PTCD3: variants seen among roughly 807,000 people sequenced by gnomAD.
PTCD3 encodes pentatricopeptide repeat domain 3, also known as small ribosomal subunit protein mS39.
PTCD3 carries 89 observed loss-of-function variants against 101.9 expected under a neutral mutation model. The ratio of observed to expected loss-of-function variants is 0.87; its 90% confidence interval spans 0.74 to 1.04. The LOEUF (loss-of-function observed/expected upper bound fraction) is 1.04, where lower values mean the gene tolerates loss of function less well. Among genes scored for constraint, PTCD3 ranks in the 50% least tolerant of loss-of-function variants. The pLI, the probability that PTCD3 is intolerant of heterozygous loss-of-function variation, is 0.00. For synonymous variants in PTCD3, 296 were observed against 278.5 expected, an observed-to-expected ratio of 1.06 and a Z score of -0.63; for missense variants, 870 against 828.2, an observed-to-expected ratio of 1.05 and a Z score of -0.62.
Position 86,127,150 on chromosome 2 carries a change from T to A in PTCD3, c.952-11T>A. On this transcript the variant is annotated splice_polypyrimidine_tract_variant and intron_variant, in intron 12 of 23. Coordinates refer to ENST00000254630, the MANE Select transcript of PTCD3 (RefSeq NM_017952.6). ...GGCATGAAAGATACTTCTTGTTTTT[T>A]ATTCACCTAGGAGCTGCTAAGACAC... 6.3e-7 allele frequency: 1 copy of A among 1,597,960 alleles called. No homozygotes were observed. The highest frequency in any genetic ancestry group is 1.1e-5 in the South Asian group (1 of 88,714).
chr2:86,114,233 A>G (rs1237635896), intron 4 of PTCD3, among the ~76,000 whole-genome samples: 2 of 152,182 alleles, frequency 1.3e-5, no homozygotes. Context: ...AGACTGAGGT[A>G]GCACTGAGAA....
intron 4 of PTCD3, among the ~76,000 whole-genome samples, chr2:86,116,248 C>T (rs1674175327): frequency 6.6e-6 from 1 of 152,172 alleles, no homozygotes; most frequent in Admixed American, 6.6e-5. Context: ...GCTAGAAAGA[C>T]TTGTGGGCTG....
chr2:86,134,813 G>A (rs1197201777), intron 20 of PTCD3, 26 bp from the exon 21 acceptor site: 1 of 1,613,050 alleles, frequency 6.2e-7, no homozygotes, highest in Non-Finnish European at 8.5e-7. Flanking sequence ...CAGTTAGGCA[G>A]TTCTGCTGAC....
At position 86,118,974 on chromosome 2, in the gene PTCD3, C is replaced by G; in HGVS notation, c.468C>G (p.Ala156=). Reference sequence around the variant, plus strand: ...AGATCAAAGACATAAGTGAAGCCGCCCTGAAGGAACGAATTGAGCTCAGAA... The same window carrying G: ...AGATCAAAGACATAAGTGAAGCCGCGCTGAAGGAACGAATTGAGCTCAGAA... ...EPQIKDISEA[A]LKERIELRKV... is the part of the protein sequence containing the mutation. The change falls in exon 7 of 24, where the codon GCC becomes GCG. Residue 156 remains alanine (A), a synonymous_variant. Coordinates refer to ENST00000254630, the MANE Select transcript of PTCD3 (RefSeq NM_017952.6). 7 of 1,613,920 alleles carry G rather than the reference C, an allele frequency of 4.3e-6. No individual in the cohort carries two copies. The highest frequency in any genetic ancestry group is 5.9e-6 in the Non-Finnish European group (7 of 1,179,938).
rs78986711 is a variant in PTCD3, at chr2:86,130,837, A to T, written c.1237+100A>T. ...CTTGTGATCCCTATAGCTTAGAAGT[A>T]TTTTTTTTTTTTTTTAAATAAATTT... On this transcript the variant is annotated intron_variant, in intron 15 of 23. Transcript: ENST00000254630. The T allele has an allele frequency of 3.3e-4, 435 of 1,334,312 alleles. 5 individuals are homozygous for T. In the African/African-American group the frequency reaches 5.7e-3, roughly 18 times the overall value. 82.7% of individuals were successfully genotyped at this position (1,334,312 alleles called of 1,614,324 possible).
At chr2:86,124,886 A>G (rs1365912074) in intron 9 of PTCD3, 109 bp from the exon 10 acceptor site, 23 of 1,408,670 alleles carry the variant, frequency 1.6e-5, no homozygotes, top group Non-Finnish European at 2.2e-5. Flanking sequence ...GATAATGTAT[A>G]GAAAGTACTT....
intron 3 of PTCD3, 136 bp from the exon 4 acceptor site, chr2:86,110,977 G>A (rs564873769): frequency 1.2e-6 from 1 of 833,754 alleles, no homozygotes; most frequent in East Asian, 2.5e-5. Flanking sequence ...ATTTATTCTA[G>A]TGACCTTGTG....
chr2:86,115,195 A>C (rs1244145132), intron 4 of PTCD3, among the ~76,000 whole-genome samples: 2 of 152,236 alleles, frequency 1.3e-5, no homozygotes, highest in Non-Finnish European at 2.9e-5. Context: ...CCTTGGACGC[A>C]GACCTTCCTA....
intron 7 of PTCD3, among the ~76,000 whole-genome samples, chr2:86,120,372 C>T (rs1025680048): frequency 2.0e-5 from 3 of 152,154 alleles, no homozygotes; most frequent in Non-Finnish European, 2.9e-5. Context: ...GTGCAAAACA[C>T]TGTGCTAGCC....
chr2:86,136,977 T>C lies in PTCD3; in HGVS notation c.1821-5T>C, dbSNP rs1674596268. ...GAAAGTTCACACTTTGCCTTTCTTT[T>C]ACAGAAGTGAGTTGCTGAATGAGCT... is the stretch of plus-strand genomic sequence containing the variant. On this transcript the variant is annotated splice_polypyrimidine_tract_variant and splice_region_variant and intron_variant, in intron 22 of 23. Coordinates refer to ENST00000254630, the MANE Select transcript of PTCD3 (RefSeq NM_017952.6). 6.2e-7 allele frequency: 1 copy of C among 1,612,970 alleles called. No individual in the cohort carries two copies. The highest frequency in any genetic ancestry group is 8.5e-7 in the Non-Finnish European group (1 of 1,179,868).
chr2:86,112,681 CAAAAAAAAAAAA>C (rs397953846), intron 4 of PTCD3, among the ~76,000 whole-genome samples: 2 of 81,310 alleles, frequency 2.5e-5, no homozygotes, highest in South Asian at 4.1e-4. Context: ...GACTCTGTCT[CAAAAAAAAAAAA>C]AAAAAAAAAA....
In PTCD3 at chr2:86,106,297, G is replaced by A. The variant is rs200426943; in HGVS notation, c.50G>A (p.Gly17Asp). 14 of 1,612,672 alleles carry A rather than the reference G, an allele frequency of 8.7e-6. No individual in the cohort carries two copies. The highest frequency in any genetic ancestry group is 1.1e-5 in the Non-Finnish European group (13 of 1,179,894). ...TGGCTGGGCCTCCGCAGCAGGCTTG[G>A]CCAGCCGCTGACGGGTCGGCGGGCG... ...VRWLGLRSRL[G>D]QPLTGRRAGL... The change falls in exon 1 of 24, where the codon GGC becomes GAC. Residue 17 changes from glycine to aspartate, a missense_variant. Transcript: ENST00000254630.
At position 86,118,984 on chromosome 2, in the gene PTCD3, C is replaced by T. The variant is rs1004484292; in HGVS notation, c.478C>T (p.Arg160Ter). The change falls in exon 7 of 24, where the codon CGA becomes TGA. Residue 160 changes from arginine to a stop codon, truncating the protein, a stop_gained. Transcript: ENST00000254630. LOFTEE classifies it high-confidence loss of function. ...CATAAGTGAAGCCGCCCTGAAGGAACGAATTGAGCTCAGAAAAGTCAAAGC... is the reference window on the plus strand; with the variant it reads ...CATAAGTGAAGCCGCCCTGAAGGAATGAATTGAGCTCAGAAAAGTCAAAGC... ...KDISEAALKERIELRKVKASV... is the reference protein window; with the variant it reads ...KDISEAALKE The T allele has an allele frequency of 6.8e-6, 11 of 1,613,886 alleles. No individual in the cohort carries two copies. Among genetic ancestry groups the T allele is most frequent in the South Asian group, 2.2e-5 (2 of 91,076 alleles).
In PTCD3 at chr2:86,140,244, AAAC is replaced by A. The variant is rs1238430806; in HGVS notation, c.*2686_*2688del. On this transcript the variant is annotated 3_prime_UTR_variant, in exon 24 of 24. Transcript: ENST00000254630. ...CCTCAAAGCAAAAAAAAAAAAAAAA[AAAC>A]CAGTTAGCTGCTATATAAACACTAT... is the stretch of plus-strand genomic sequence containing the variant. 6 of 151,830 alleles carry A rather than the reference AAAC, an allele frequency of 4.0e-5. No homozygotes were observed. The highest frequency in any genetic ancestry group is 1.2e-4 in the African/African-American group (5 of 41,150). The allele number at this position is 151,830 out of a possible 1,614,324, so 9.4% of individuals were successfully genotyped here. A position where few individuals can be genotyped will look rare whatever the true frequency, so the allele number is the denominator to read the frequency against.
intron 14 of PTCD3, 84 bp downstream of exon 14, chr2:86,128,075 C>A: frequency 3.6e-6 from 4 of 1,099,342 alleles, no homozygotes; most frequent in Non-Finnish European, 5.6e-6. Context: ...TTGTAGTTAT[C>A]TTCTCTGCAT....
chr2:86,110,419 A>G (rs1044249979), intron 3 of PTCD3, among the ~76,000 whole-genome samples: 4 of 152,246 alleles, frequency 2.6e-5, no homozygotes, highest in Admixed American at 2.0e-4. Context: ...TACTCTTGGT[A>G]TAATTCCCTT....
In PTCD3 at chr2:86,132,627, T is replaced by G. The variant is rs868281126; in HGVS notation, c.1373+203T>G. ...CTAGTTTGTGTCCTTTAAGGGTTTTTTTTTTTTTTTTTTTGCAACACTGTA... is the reference window on the plus strand; with the variant it reads ...CTAGTTTGTGTCCTTTAAGGGTTTTGTTTTTTTTTTTTTTGCAACACTGTA... On this transcript the variant is annotated intron_variant, in intron 17 of 23. Coordinates refer to ENST00000254630, the MANE Select transcript of PTCD3 (RefSeq NM_017952.6). 6.9e-3 allele frequency: 2,632 copies of G among 378,782 alleles called. 47 individuals are homozygous for G. The highest frequency in any genetic ancestry group is 0.048 in the African/African-American group (2,267 of 47,014). 23.5% of individuals were successfully genotyped at this position (378,782 alleles called of 1,614,324 possible).
intron 4 of PTCD3, chr2:86,111,651 T>C (rs1346516596): frequency 1.8e-5 from 3 of 163,388 alleles, no homozygotes; most frequent in African/African-American, 7.2e-5. Flanking sequence ...CCCAACACTT[T>C]TGGAGGCCAA....
At chr2:86,133,028 T>C (rs113478761) in intron 17 of PTCD3, 150 bp from the exon 18 acceptor site, 21 of 1,312,708 alleles carry the variant, frequency 1.6e-5, no homozygotes, top group Non-Finnish European at 2.1e-5. Context: ...CACTGGCAGC[T>C]CTTAAACCAA....
Sources: gnomAD v4.1 joint callset for allele counts (sites outside exome capture counted in the v4.1 genomes callset) on GRCh38, gnomAD v4.1.1 for gene constraint, MANE v1.5 for transcripts, NCBI Gene and HGNC (gene_info 2026-07-23, HGNC 2026-07-21) for gene names.